Variants in RNF213 observed in about 807,000 individuals in gnomAD.
RNF213 encodes the protein ring finger protein 213.
RNF213 carries 341 observed loss-of-function variants against 514.4 expected under a neutral mutation model. The observed-to-expected ratio is 0.66, with a 90% CI of 0.61 to 0.73. RNF213 has a LOEUF of 0.73. Ranked by LOEUF, RNF213 falls within the 30% of genes least tolerant of loss-of-function variation. The probability of loss-of-function intolerance (pLI) is 0.00; values close to 1 mark genes in which losing one functional copy is unlikely to be tolerated. For missense variants in RNF213, 5,767 were observed against 6,615.6 expected (o/e 0.87, Z 4.45); for synonymous variants, 2,655 against 2,658.2 (o/e 1.00, Z 0.04).
At chr17:80,357,664 T>C (rs893768466) in intron 36 of RNF213, among the ~76,000 whole-genome samples, 1 of 152,158 alleles carries the variant, frequency 6.6e-6, no homozygotes, top group Non-Finnish European at 1.5e-5. Context: ...CATACAAAAA[T>C]TATGCAGCCT....
At position 80,337,732 on chromosome 17, in the gene RNF213, C is replaced by T. The variant is rs78795452; in HGVS notation, c.4668+6C>T. On this transcript the variant is annotated splice_donor_region_variant and intron_variant, in intron 24 of 67. Transcript: ENST00000582970. Reference sequence around the variant, plus strand: ...CGCCCAAAGGTGGCCAAAAGGTGAGCGGTCCCCAGCCCTCGGCGCAGCTGC... The same window carrying T: ...CGCCCAAAGGTGGCCAAAAGGTGAGTGGTCCCCAGCCCTCGGCGCAGCTGC... 2.4e-4 allele frequency: 372 copies of T among 1,537,286 alleles called. 1 individual carries two copies. The East Asian group carries it at 3.4e-3, about 14-fold the overall frequency.
chr17:80,389,257 G>C lies in RNF213; in HGVS notation c.15085G>C (p.Glu5029Gln). The C allele has an allele frequency of 1.9e-6, 3 of 1,614,238 alleles. No homozygotes were observed. The highest frequency in any genetic ancestry group is 2.5e-6 in the Non-Finnish European group (3 of 1,180,032). ...SDACEVLSVV[E>Q]VTLGFLSTAG... The stretch of plus-strand genomic sequence containing the variant: ...TGCCTGTGAAGTGCTGTCTGTCGTA[G>C]AAGTCACTCTGGGGTTTCTGAGCAC... Residue 5029 changes from glutamate to glutamine, a missense_variant, in exon 65 of 68, where the codon GAA (glutamate) becomes CAA (glutamine). Transcript: ENST00000582970.
chr17:80,345,762 A>T lies in RNF213; in HGVS notation c.7427A>T (p.Asp2476Val). Reference sequence around the variant, plus strand: ...GAAAATGTGGCCTTCGCCAATAAGGACCAACATCAGTTGGACACCATCTTG... The same window carrying T: ...GAAAATGTGGCCTTCGCCAATAAGGTCCAACATCAGTTGGACACCATCTTG... ...EAENVAFANK[D>V]QHQLDTILFF... Residue 2476 changes from aspartate to valine, a missense_variant, in exon 29 of 68, where the codon GAC becomes GTC. Asp to Val is a radical substitution (Grantham distance 152). Around this residue, in one of 13 missense-constraint regions of RNF213, gnomAD observed 1,377 missense variants for 1,635.2 expected, o/e 0.84. Transcript: ENST00000582970. This position sits in a 1 kb window ranked among gnomAD's most constrained non-coding sequence, Gnocchi z 6.0. 1 of 1,614,192 alleles carries T rather than the reference A, an allele frequency of 6.2e-7. No homozygotes were observed. The highest frequency in any genetic ancestry group is 8.5e-7 in the Non-Finnish European group (1 of 1,180,050).
At chr17:80,344,416 T>C (rs550932462) in intron 28 of RNF213, among the ~76,000 whole-genome samples, 3 of 152,358 alleles carry the variant, frequency 2.0e-5, no homozygotes, top group East Asian at 3.9e-4. Context: ...ACATAATACA[T>C]GTATAGCTTA....
At position 80,345,897 on chromosome 17, in the gene RNF213, T is replaced by C. The variant is rs748443934; in HGVS notation, c.7562T>C (p.Ile2521Thr). 6 of 1,614,220 alleles carry C rather than the reference T, an allele frequency of 3.7e-6. No homozygotes were observed. In the Admixed American group the frequency reaches 8.3e-5, roughly 22 times the overall value. ...GCTGAGGACTCTGGCCTGCATATTATAGCTGCCTGCAATCCATACCGGAAG... is the reference window on the plus strand; with the variant it reads ...GCTGAGGACTCTGGCCTGCATATTACAGCTGCCTGCAATCCATACCGGAAG... ...PLAEDSGLHI[I>T]AACNPYRKHS... Residue 2521 changes from isoleucine (I) to threonine (T), a missense_variant, in exon 29 of 68, where the codon ATA becomes ACA. Around this residue, in one of 13 missense-constraint regions of RNF213, gnomAD observed 1,377 missense variants for 1,635.2 expected, o/e 0.84. Coordinates refer to ENST00000582970, the MANE Select transcript of RNF213 (RefSeq NM_001256071.3). The surrounding 1 kb of genome is among the most constrained non-coding windows in gnomAD (Gnocchi z 6.0).
intron 32 of RNF213, chr17:80,352,437 T>G: frequency 2.5e-6 from 1 of 395,810 alleles, no homozygotes; most frequent in South Asian, 3.4e-5. Flanking sequence ...CCGATACGCC[T>G]GTTTGGCGGG....
At chr17:80,261,059 C>A (rs1474866011) in intron 1 of RNF213, among the ~76,000 whole-genome samples, 157 bp downstream of exon 1, 6 of 151,904 alleles carry the variant, frequency 3.9e-5, no homozygotes, top group East Asian at 1.9e-4. Flanking sequence ...GTTTCGCCGC[C>A]GGGGTGCCCG....
At chr17:80,350,220 G>A in intron 30 of RNF213, 81 bp from the exon 31 acceptor site, 1 of 915,902 alleles carries the variant, frequency 1.1e-6, no homozygotes, top group Non-Finnish European at 1.8e-6. Context: ...TAGCCTTTAT[G>A]TTTCCCATCA....
intron 15 of RNF213, among the ~76,000 whole-genome samples, chr17:80,315,283 T>A (rs1333618169): frequency 2.7e-5 from 1 of 36,800 alleles, no homozygotes; most frequent in Non-Finnish European, 4.8e-5. Flanking sequence ...GAGGTGATGG[T>A]GGTGGTGGTG....
At chr17:80,307,241 GC>G in intron 13 of RNF213, 40 bp downstream of exon 13, 2 of 1,589,104 alleles carry the variant, frequency 1.3e-6, no homozygotes. Context: ...CTCACATGCG[GC>G]CCCCGGGGGC....
intron 16 of RNF213, among the ~76,000 whole-genome samples, chr17:80,318,152 C>G (rs938433125): frequency 2.0e-5 from 3 of 152,118 alleles, no homozygotes; most frequent in African/African-American, 7.2e-5. Flanking sequence ...CTCTCACTAC[C>G]AAGTCTGGGG....
At chr17:80,387,820 A>C (rs34758627) in intron 63 of RNF213, among the ~76,000 whole-genome samples, 5,598 of 152,270 alleles carry the variant, frequency 0.037, 170 homozygotes, top group African/African-American at 0.08. Context: ...TCATGCACTG[A>C]AGCCACACAG....
chr17:80,372,701 G>T lies in RNF213; in HGVS notation c.12718G>T (p.Ala4240Ser), dbSNP rs747523880. Residue 4240 changes from alanine to serine, a missense_variant, in exon 48 of 68, where the codon GCA (alanine) becomes TCA (serine). Ala to Ser is a moderately conservative substitution (Grantham distance 99, BLOSUM62 1). Transcript: ENST00000582970. The part of the protein sequence containing the change: ...ARIRLCLDRA[A>S]DFLSEPEGGP... ...GATCCGCCTCTGCCTCGACAGAGCT[G>T]CAGATTTCCTCTCGGAGCCTGAGGG... 2 of 1,613,858 alleles carry T rather than the reference G, an allele frequency of 1.2e-6. No individual in the cohort carries two copies. The highest frequency in any genetic ancestry group is 1.3e-5 in the African/African-American group (1 of 75,046).
In RNF213 at chr17:80,377,712, G is replaced by C. The variant is rs1210035354; in HGVS notation, c.13511-50G>C. 3 of 1,605,188 alleles carry C rather than the reference G, an allele frequency of 1.9e-6. No homozygotes were observed. The African/African-American group carries it at 4.0e-5, about 21-fold the overall frequency. On this transcript the variant is annotated intron_variant, in intron 53 of 67. Coordinates refer to ENST00000582970, the MANE Select transcript of RNF213 (RefSeq NM_001256071.3). The surrounding 1 kb of genome is among the most constrained non-coding windows in gnomAD (Gnocchi z 4.1). ...AGTTAGCTTTCCCTTTTCAATGTGG[G>C]TCATTGGGTGAAACCTCATTAGCCA...
At chr17:80,391,733 T>C (rs1599226535) in intron 67 of RNF213, among the ~76,000 whole-genome samples, 2 of 151,726 alleles carry the variant, frequency 1.3e-5, no homozygotes, top group South Asian at 2.1e-4. Flanking sequence ...TACTAGGATC[T>C]TCCTTATCCC....
intron 51 of RNF213, 87 bp downstream of exon 51, chr17:80,375,957 A>C: frequency 1.9e-6 from 2 of 1,062,796 alleles, no homozygotes; most frequent in Non-Finnish European, 2.9e-6. Flanking sequence ...AACACAAATC[A>C]TACCATAATT....
rs561520824 is a variant in RNF213, at chr17:80,291,782, G to A, written c.1426G>A (p.Val476Ile). Residue 476 changes from valine to isoleucine, a missense_variant, in exon 8 of 68, where the codon GTC becomes ATC. This residue lies in a region of RNF213 where 592 missense variants were observed against 673.9 expected (regional missense o/e 0.88). Transcript: ENST00000582970. ...GCACCAGCAGAAGAAGGGCGAGTAC[G>A]TCAACCGCTGTCTGTTCATAAAATC... ...YKHQQKKGEYVNRCLFIKSSL... is the reference protein window; with the variant it reads ...YKHQQKKGEYINRCLFIKSSL... The A allele has an allele frequency of 7.4e-6, 12 of 1,614,196 alleles. No homozygotes were observed. In the South Asian group the frequency reaches 7.7e-5, roughly 10 times the overall value.
rs764309309 is a variant in RNF213 at position 80,345,587 on chromosome 17, A to G, written c.7252A>G (p.Ile2418Val). 7.4e-6 allele frequency: 12 copies of G among 1,613,948 alleles called. No individual in the cohort carries two copies. The highest frequency in any genetic ancestry group is 2.2e-5 in the East Asian group (1 of 44,886). Residue 2418 changes from isoleucine to valine, a missense_variant, in exon 29 of 68, where the codon ATC (isoleucine) becomes GTC (valine). Ile to Val is a conservative substitution (Grantham distance 29). Around this residue, in one of 13 missense-constraint regions of RNF213, gnomAD observed 1,377 missense variants for 1,635.2 expected, o/e 0.84. Transcript: ENST00000582970. This position sits in a 1 kb window ranked among gnomAD's most constrained non-coding sequence, Gnocchi z 6.0. ...MRFRCGIPVI[I>V]MGETGCGKTR... ...GTTCCGGTGTGGGATCCCGGTTATCATCATGGGAGAAACTGGCTGTGGGAA... is the reference window on the plus strand; with the variant it reads ...GTTCCGGTGTGGGATCCCGGTTATCGTCATGGGAGAAACTGGCTGTGGGAA...
Position 80,395,240 on chromosome 17 carries a change from A to C in RNF213, c.*1742A>C, listed in dbSNP as rs1278783331. ...AGAAATATACTGGCCTAGCAGAGGC[A>C]AAAAAAAAAAAAATGAATTTTATTT... On this transcript the variant is annotated 3_prime_UTR_variant, in exon 68 of 68. Coordinates refer to ENST00000582970, the MANE Select transcript of RNF213 (RefSeq NM_001256071.3). 1.2e-5 allele frequency: 1 copy of C among 81,050 alleles called. No individual in the cohort carries two copies. The highest frequency in any genetic ancestry group is 1.0e-4 in the Admixed American group (1 of 9,704). The allele number at this position is 81,050 out of a possible 1,614,324, so 5.0% of individuals were successfully genotyped here.
Sources: allele counts gnomAD v4.1 joint callset (sites outside exome capture counted in the v4.1 genomes callset), GRCh38; gene constraint gnomAD v4.1.1; regional missense constraint gnomAD v4.1.1; non-coding constraint Gnocchi (gnomAD v3.1); transcripts MANE v1.5; gene names NCBI Gene and HGNC (gene_info 2026-07-23, HGNC 2026-07-21).